RBFOX1: variants seen among roughly 807,000 people sequenced by gnomAD.
The protein encoded by RBFOX1 is RNA binding protein fox-1 homolog 1.
A neutral mutation model predicts 57.7 loss-of-function variants in RBFOX1; 8 were observed. The ratio of observed to expected loss-of-function variants is 0.14; its 90% CI spans 0.08 to 0.25. The LOEUF is 0.25. RBFOX1 is among the 10% of genes least tolerant of loss of function. The pLI, the probability that RBFOX1 is intolerant of heterozygous loss-of-function variation, is 1.00. For missense variants in RBFOX1, 611 were observed against 548.5 expected (o/e 1.11, Z -1.14); for synonymous variants, 326 against 222.4 (o/e 1.47, Z -4.15).
chr16:6,021,217 T>A (rs925275924), intron 1 of RBFOX1, among the ~76,000 whole-genome samples: 3 of 152,202 alleles, frequency 2.0e-5, no homozygotes, highest in Non-Finnish European at 4.4e-5. Flanking sequence ...TTTATTTTTA[T>A]TTTTAAACTC....
At chr16:5,255,344 CCATCCATCCCTCCATCCA>C (rs1435153297) in intron 1 of RBFOX1, among the ~76,000 whole-genome samples, 3 of 150,048 alleles carry the variant, frequency 2.0e-5, no homozygotes, top group African/African-American at 7.4e-5. Flanking sequence ...ATCCATCCAT[CCATCCATCCCTCCATCCA>C]TCCATCCATC....
At chr16:6,854,587 A>ATTTTTTTTTTTTTTTTTTTTTTTTTTT (rs71147611) in intron 3 of RBFOX1, among the ~76,000 whole-genome samples, 2 of 70,650 alleles carry the variant, frequency 2.8e-5, no homozygotes, top group Non-Finnish European at 5.1e-5. Flanking sequence ...GGAGAGGTGA[A>ATTTTTTTTTTTTTTTTTTTTTTTTTTT]TTTTTTTTTT....
At chr16:6,290,628 A>G (rs1374216309) in intron 1 of RBFOX1, among the ~76,000 whole-genome samples, 2 of 152,064 alleles carry the variant, frequency 1.3e-5, no homozygotes, top group East Asian at 1.9e-4. Context: ...TCTAAAGTGA[A>G]TTTAGCACAC....
rs79184491 is a variant in RBFOX1, at chr16:6,849,002, G to A, written c.-16+194352G>A. 3.4e-3 allele frequency among the ~76,000 whole-genome samples: 511 copies of A among 152,268 alleles called. 20 individuals are homozygous for A. The East Asian group carries it at 0.086, about 26-fold the overall frequency. Reference sequence around the variant, plus strand: ...CTTGCCTGTCCTGATTCCAAAGCACGTTTAGGTAGTCCCACCATTGGCCAG... The same window carrying A: ...CTTGCCTGTCCTGATTCCAAAGCACATTTAGGTAGTCCCACCATTGGCCAG... On this transcript the variant is annotated intron_variant, in intron 3 of 15. Coordinates refer to ENST00000550418, the MANE Select transcript of RBFOX1 (RefSeq NM_018723.4).
At chr16:7,342,470 C>G (rs548024060) in intron 4 of RBFOX1, among the ~76,000 whole-genome samples, 3 of 152,330 alleles carry the variant, frequency 2.0e-5, no homozygotes, top group African/African-American at 7.2e-5. Flanking sequence ...ACAATCAGCT[C>G]ATTGTACCAA....
chr16:6,666,499 C>A (rs989435436), intron 3 of RBFOX1, among the ~76,000 whole-genome samples: 1 of 149,078 alleles, frequency 6.7e-6, no homozygotes, highest in African/African-American at 2.5e-5. Flanking sequence ...GAGATCACAC[C>A]ACTGCACTCC....
intron 3 of RBFOX1, among the ~76,000 whole-genome samples, chr16:6,975,858 G>C (rs1382375487): frequency 6.6e-6 from 1 of 152,102 alleles, no homozygotes. Flanking sequence ...TGGGTATGGT[G>C]GTGCACACCT....
chr16:6,568,257 G>T (rs1444844413), intron 2 of RBFOX1, among the ~76,000 whole-genome samples: 1 of 152,192 alleles, frequency 6.6e-6, no homozygotes, highest in Non-Finnish European at 1.5e-5. Context: ...TGGTGGTTCA[G>T]TACATCAGCT....
At chr16:7,163,009 A>G (rs138677544) in intron 4 of RBFOX1, among the ~76,000 whole-genome samples, 68 of 152,262 alleles carry the variant, frequency 4.5e-4, no homozygotes, top group African/African-American at 1.4e-3. Flanking sequence ...TTGCATATAA[A>G]TGCAGACTTC....
At chr16:6,574,262 C>A (rs1045390837) in intron 2 of RBFOX1, among the ~76,000 whole-genome samples, 1 of 151,894 alleles carries the variant, frequency 6.6e-6, no homozygotes, top group South Asian at 2.1e-4. Context: ...AGGTAACACA[C>A]GTTGTTCATG....
At chr16:6,677,747 G>A (rs954600461) in intron 3 of RBFOX1, among the ~76,000 whole-genome samples, 11 of 152,150 alleles carry the variant, frequency 7.2e-5, no homozygotes, top group African/African-American at 2.4e-4. Flanking sequence ...GATAGTGAGC[G>A]ATTTATCTTC....
At chr16:7,227,861 T>C (rs886401971) in intron 4 of RBFOX1, among the ~76,000 whole-genome samples, 1 of 152,186 alleles carries the variant, frequency 6.6e-6, no homozygotes, top group Non-Finnish European at 1.5e-5. Context: ...ACTGGCTGTT[T>C]TTACTCCTTG....
intron 11 of RBFOX1, among the ~76,000 whole-genome samples, chr16:7,637,160 TC>T: frequency 6.6e-6 from 1 of 151,970 alleles, no homozygotes; most frequent in Non-Finnish European, 1.5e-5. Context: ...TTTCCACAGT[TC>T]CATGAAAGCC....
intron 3 of RBFOX1, among the ~76,000 whole-genome samples, chr16:6,800,561 T>G (rs2085170687): frequency 6.6e-6 from 1 of 152,120 alleles, no homozygotes; most frequent in African/African-American, 2.4e-5. Context: ...AGTAACAAGC[T>G]TCTAGAGGGC....
At chr16:7,299,887 G>C (rs1225388305) in intron 4 of RBFOX1, among the ~76,000 whole-genome samples, 1 of 152,122 alleles carries the variant, frequency 6.6e-6, no homozygotes, top group African/African-American at 2.4e-5. Context: ...ATCATAAGTA[G>C]AAATTATGTT....
At chr16:7,309,248 A>C (rs1019139656) in intron 4 of RBFOX1, among the ~76,000 whole-genome samples, 1 of 152,232 alleles carries the variant, frequency 6.6e-6, no homozygotes, top group Admixed American at 6.5e-5. Context: ...GGCTGTTATC[A>C]GCCAGGTAAG....
At chr16:5,501,583 C>T (rs1000871504) in intron 2 of RBFOX1, among the ~76,000 whole-genome samples, 7 of 152,054 alleles carry the variant, frequency 4.6e-5, no homozygotes, top group African/African-American at 1.7e-4. Context: ...CTCGTTTTTC[C>T]CCTCTGTTAA....
At chr16:5,632,610 T>C (rs564358133) in intron 3 of RBFOX1, 1 of 152,226 alleles carries the variant, frequency 6.6e-6, no homozygotes, top group Admixed American at 6.5e-5. Context: ...AGCACTCACC[T>C]CCAGGCCCTG....
chr16:6,849,167 C>T (rs778657796), intron 3 of RBFOX1, among the ~76,000 whole-genome samples: 19 of 152,156 alleles, frequency 1.2e-4, no homozygotes, highest in Non-Finnish European at 2.2e-4. Flanking sequence ...AAGTAACTTG[C>T]TGAACACTCT....
Sources: gnomAD v4.1 joint callset for allele counts (sites outside exome capture counted in the v4.1 genomes callset) on GRCh38, gnomAD v4.1.1 for gene constraint, MANE v1.5 for transcripts, NCBI Gene and HGNC (gene_info 2026-07-23, HGNC 2026-07-21) for gene names.